Variants in YAE1 observed in about 807,000 individuals in gnomAD.
YAE1 encodes protein YAE1 homolog.
YAE1 carries 22 observed loss-of-function variants against 23.0 expected under a neutral mutation model. That is an observed-to-expected ratio of 0.96 (90% CI 0.68 to 1.37). The LOEUF (loss-of-function observed/expected upper bound fraction) is 1.37. YAE1 is among the 40% of genes most tolerant of loss of function. The probability of loss-of-function intolerance (pLI) is 0.00; values close to 1 mark genes in which losing one functional copy is unlikely to be tolerated. For missense variants in YAE1, 260 were observed against 262.1 expected, an observed-to-expected ratio of 0.99 and a Z score of 0.06; for synonymous variants, 101 against 97.0, an observed-to-expected ratio of 1.04 and a Z score of -0.24.
At chr7:39,577,930 C>CT (rs1217504495) in intron 2 of YAE1, among the ~76,000 whole-genome samples, 3 of 146,284 alleles carry the variant, frequency 2.1e-5, no homozygotes, top group Non-Finnish European at 4.4e-5. Context: ...AGTCAGCACT[C>CT]TGTGTCTAGC....
downstream of YAE1, among the ~76,000 whole-genome samples, chr7:39,573,120 T>A (rs1052415704): frequency 2.0e-5 from 3 of 152,122 alleles, no homozygotes; most frequent in African/African-American, 7.2e-5. Flanking sequence ...AACGTAAATA[T>A]AGACACACAG....
chr7:39,600,879 C>A (rs1160773800), intron 2 of YAE1, among the ~76,000 whole-genome samples: 2 of 152,176 alleles, frequency 1.3e-5, no homozygotes, highest in African/African-American at 4.8e-5. Flanking sequence ...TCAGAAGAAA[C>A]AAACCCTGTC....
At chr7:39,602,068 T>C (rs1791063659) in intron 2 of YAE1, among the ~76,000 whole-genome samples, 1 of 152,172 alleles carries the variant, frequency 6.6e-6, no homozygotes, top group African/African-American at 2.4e-5. Flanking sequence ...CTAGGAGTAA[T>C]TAACAGGAAT....
intron 2 of YAE1, among the ~76,000 whole-genome samples, chr7:39,601,092 T>A (rs1167135444): frequency 6.6e-6 from 1 of 152,234 alleles, no homozygotes; most frequent in Non-Finnish European, 1.5e-5. Context: ...TATTATTTTA[T>A]GTAAGCAGGC....
At chr7:39,571,187 G>C (rs971252053) in intron 2 of YAE1, among the ~76,000 whole-genome samples, 5 of 152,054 alleles carry the variant, frequency 3.3e-5, no homozygotes, top group Non-Finnish European at 7.4e-5. Flanking sequence ...GCCCAGGACG[G>C]CTTTGAATAT....
chr7:39,581,786 G>A (rs1790746170), intron 2 of YAE1, among the ~76,000 whole-genome samples: 1 of 151,864 alleles, frequency 6.6e-6, no homozygotes, highest in African/African-American at 2.4e-5. Flanking sequence ...GCAGAAGGAT[G>A]GCTTAAGCCC....
chr7:39,578,291 T>C (rs1262059184), intron 2 of YAE1, among the ~76,000 whole-genome samples: 1 of 152,144 alleles, frequency 6.6e-6, no homozygotes, highest in Non-Finnish European at 1.5e-5. Context: ...ACCAATAAGC[T>C]GTCTGTAAAA....
intron 2 of YAE1, among the ~76,000 whole-genome samples, chr7:39,601,956 C>T (rs1791061861): frequency 6.6e-6 from 1 of 151,862 alleles, no homozygotes; most frequent in Non-Finnish European, 1.5e-5. Context: ...GAGTGCCCAG[C>T]AAGTGGTTAT....
At chr7:39,595,228 A>AT (rs557916834) in intron 2 of YAE1, among the ~76,000 whole-genome samples, 9 of 151,548 alleles carry the variant, frequency 5.9e-5, no homozygotes, top group East Asian at 3.9e-4. Flanking sequence ...TAGACTAGGG[A>AT]TTTTTTTTTC....
chr7:39,574,191 T>C (rs17171601), downstream of YAE1, among the ~76,000 whole-genome samples: 20,309 of 152,240 alleles, frequency 0.13, 1,760 homozygotes, highest in African/African-American at 0.25. Flanking sequence ...ATTGCCACCA[T>C]TGGCTACATA....
chr7:39,606,408 T>C (rs1461731305), intron 2 of YAE1, among the ~76,000 whole-genome samples: 1 of 152,254 alleles, frequency 6.6e-6, no homozygotes, highest in Non-Finnish European at 1.5e-5. Flanking sequence ...TAGTTTAACA[T>C]TGAGAAACCT....
In YAE1 at chr7:39,566,564, C is replaced by T. The variant is rs369308164; in HGVS notation, c.129+17C>T. 134 of 1,612,702 alleles carry T rather than the reference C, an allele frequency of 8.3e-5. No individual in the cohort carries two copies. The highest frequency in any genetic ancestry group is 1.1e-4 in the Non-Finnish European group (126 of 1,179,378). On this transcript the variant is annotated intron_variant, in intron 1 of 2. Coordinates refer to ENST00000223273, the MANE Select transcript of YAE1 (RefSeq NM_020192.5). ...CGAGTCAAAGTAAACGTGGTGTGGA[C>T]GGCGCGGGGTGCTGGGTTGTGGGAA...
intron 1 of YAE1, chr7:39,569,911 T>C (rs1286013044): frequency 9.2e-6 from 11 of 1,197,492 alleles, no homozygotes; most frequent in African/African-American, 4.5e-5. Context: ...AGAACAGTTA[T>C]TGTAAACTGT....
chr7:39,577,693 G>C (rs1790675791), downstream of YAE1, among the ~76,000 whole-genome samples: 1 of 152,212 alleles, frequency 6.6e-6, no homozygotes, highest in Non-Finnish European at 1.5e-5. Context: ...CCCCACTGTG[G>C]GCTCCTGCGC....
chr7:39,593,202 T>TTTTTTTTTTTTTTTC (rs1790926853), intron 2 of YAE1, among the ~76,000 whole-genome samples: 1 of 143,582 alleles, frequency 7.0e-6, no homozygotes, highest in African/African-American at 2.6e-5. Flanking sequence ...TTTTTTTTTT[T>TTTTTTTTTTTTTTTC]GAGACAGAGT....
At chr7:39,596,686 A>C (rs546611122) in intron 2 of YAE1, among the ~76,000 whole-genome samples, 1 of 152,052 alleles carries the variant, frequency 6.6e-6, no homozygotes, top group Non-Finnish European at 1.5e-5. Flanking sequence ...ATTACTTATG[A>C]CGTTACGTGA....
At chr7:39,579,106 A>G (rs1163254161) in intron 2 of YAE1, among the ~76,000 whole-genome samples, 7 of 152,238 alleles carry the variant, frequency 4.6e-5, no homozygotes, top group African/African-American at 1.7e-4. Flanking sequence ...TAACGCAGGC[A>G]GTGTTTACTA....
At chr7:39,596,241 C>T (rs1790971093) in intron 2 of YAE1, among the ~76,000 whole-genome samples, 2 of 152,178 alleles carry the variant, frequency 1.3e-5, no homozygotes, top group Middle Eastern at 3.4e-3. Context: ...GTCACGCAGG[C>T]TGGGGCGCAA....
At chr7:39,607,015 T>C (rs571145561) in intron 2 of YAE1, among the ~76,000 whole-genome samples, 39 of 152,372 alleles carry the variant, frequency 2.6e-4, no homozygotes, top group African/African-American at 8.9e-4. Context: ...TCAACAATTA[T>C]GTGACATATC....
Sources: allele counts gnomAD v4.1 joint callset (sites outside exome capture counted in the v4.1 genomes callset), GRCh38; gene constraint gnomAD v4.1.1; transcripts MANE v1.5; gene names NCBI Gene and HGNC (gene_info 2026-07-23, HGNC 2026-07-21).